The following ELMO1 variants were observed in gnomAD, a reference collection of about 807,000 sequenced individuals.
ELMO1 encodes engulfment and cell motility 1.
In ELMO1, 26 loss-of-function variants were observed where a neutral mutation model predicts 98.9. That is an observed-to-expected ratio of 0.26 (90% CI 0.19 to 0.36). ELMO1 has a LOEUF of 0.36. Among genes scored for constraint, ELMO1 ranks in the 10% least tolerant of loss-of-function variants. The pLI is 1.00. For synonymous variants in ELMO1, 346 were observed against 346.0 expected, an observed-to-expected ratio of 1.00 and a Z score of 0.00; for missense variants, 627 against 935.2, an observed-to-expected ratio of 0.67 and a Z score of 4.30.
chr7:37,125,550 T>C (rs111874671), intron 14 of ELMO1, among the ~76,000 whole-genome samples: 3 of 152,332 alleles, frequency 2.0e-5, no homozygotes, highest in African/African-American at 4.8e-5. Flanking sequence ...TCATCATCAC[T>C]GGCCATCAGA....
chr7:37,267,038 TACACACACACAC>T (rs60344761), intron 5 of ELMO1, among the ~76,000 whole-genome samples: 1,159 of 100,316 alleles, frequency 0.012, 52 homozygotes, highest in Non-Finnish European at 0.014. Context: ...TATGTATATA[TACACACACACAC>T]ACACACACAC....
chr7:37,027,756 C>T (rs572655661), intron 15 of ELMO1, among the ~76,000 whole-genome samples: 3 of 152,004 alleles, frequency 2.0e-5, no homozygotes, highest in South Asian at 2.1e-4. Context: ...GAACACAACC[C>T]CAGACCCCAA....
chr7:37,412,114 A>T (rs1410327216), intron 1 of ELMO1, among the ~76,000 whole-genome samples: 1 of 152,246 alleles, frequency 6.6e-6, no homozygotes, highest in East Asian at 1.9e-4. Flanking sequence ...ATCATCATTC[A>T]AACTATGTGT....
At chr7:37,366,408 G>A (rs1801905377) in intron 1 of ELMO1, among the ~76,000 whole-genome samples, 1 of 152,114 alleles carries the variant, frequency 6.6e-6, no homozygotes, top group Admixed American at 6.5e-5. Context: ...GTCTCTGTGA[G>A]GAAGGTCAGC....
chr7:37,417,808 C>T (rs769273717), intron 1 of ELMO1, among the ~76,000 whole-genome samples: 5 of 152,200 alleles, frequency 3.3e-5, no homozygotes, highest in African/African-American at 9.7e-5. Flanking sequence ...CACCATTGCA[C>T]TCCAGCCTGG....
At chr7:37,211,343 G>A (rs1563079644) in intron 13 of ELMO1, 43 bp downstream of exon 13, 1 of 1,613,182 alleles carries the variant, frequency 6.2e-7, no homozygotes, top group African/African-American at 1.3e-5. Context: ...GTCAGGCCCG[G>A]GGAGGCTGGA....
intron 1 of ELMO1, among the ~76,000 whole-genome samples, chr7:37,429,085 A>C (rs533046705): frequency 6.6e-6 from 1 of 152,314 alleles, no homozygotes; most frequent in Admixed American, 6.5e-5. Context: ...GGGAGGAGGT[A>C]TGGAGAGGAA....
intron 14 of ELMO1, among the ~76,000 whole-genome samples, chr7:37,120,022 AC>A (rs1398921776): frequency 6.6e-6 from 1 of 152,252 alleles, no homozygotes; most frequent in Admixed American, 6.5e-5. Flanking sequence ...TAAGGAACAA[AC>A]AGTTTCCAAG....
At chr7:37,393,614 G>A (rs1313348802) in intron 1 of ELMO1, among the ~76,000 whole-genome samples, 3 of 152,120 alleles carry the variant, frequency 2.0e-5, no homozygotes, top group Non-Finnish European at 4.4e-5. Context: ...CTCAATTTGG[G>A]TTTGTCTGGT....
Position 37,051,190 on chromosome 7 carries a change from G to A in ELMO1, c.1301-37755C>T, listed in dbSNP as rs145106471. On this transcript the variant is annotated intron_variant, in intron 15 of 21. Coordinates refer to ENST00000310758, the MANE Select transcript of ELMO1 (RefSeq NM_014800.11). ...ACTGCAGTGCTAGAAGAAATGAGAA[G>A]TGATAAAAAATGAACCGTGTCTACT... 4.9e-3 allele frequency among the ~76,000 whole-genome samples: 750 copies of A among 152,304 alleles called. 5 individuals carry two copies. Among genetic ancestry groups the A allele is most frequent in the Non-Finnish European group, 7.5e-3 (511 of 68,018 alleles).
At chr7:36,976,664 T>G (rs573424111) in intron 16 of ELMO1, among the ~76,000 whole-genome samples, 13 of 152,290 alleles carry the variant, frequency 8.5e-5, no homozygotes, top group African/African-American at 2.9e-4. Flanking sequence ...TAGTAAGACC[T>G]GATGGAGGTG....
intron 13 of ELMO1, among the ~76,000 whole-genome samples, chr7:37,136,756 A>T (rs943491086): frequency 2.3e-4 from 35 of 152,280 alleles, no homozygotes; most frequent in African/African-American, 8.2e-4. Flanking sequence ...CTCAAAAAAA[A>T]AAAGAAAAAA....
chr7:37,134,038 A>T (rs1787102076), intron 13 of ELMO1, among the ~76,000 whole-genome samples: 1 of 152,218 alleles, frequency 6.6e-6, no homozygotes, highest in African/African-American at 2.4e-5. Context: ...AGTAATCATC[A>T]GAGAAATGCA....
chr7:37,101,029 C>T (rs1784609705), intron 14 of ELMO1, among the ~76,000 whole-genome samples: 1 of 152,220 alleles, frequency 6.6e-6, no homozygotes, highest in Non-Finnish European at 1.5e-5. Flanking sequence ...CTTTATTGTG[C>T]TCTCTCTTCC....
At chr7:37,166,234 T>C (rs1204958280) in intron 13 of ELMO1, among the ~76,000 whole-genome samples, 2 of 152,208 alleles carry the variant, frequency 1.3e-5, no homozygotes, top group Non-Finnish European at 2.9e-5. Context: ...TCTCTTTTTT[T>C]CTTTATTAGT....
At chr7:37,117,057 C>T (rs758297704) in intron 14 of ELMO1, 25 of 205,050 alleles carry the variant, frequency 1.2e-4, no homozygotes, top group Non-Finnish European at 2.3e-4. Context: ...AGCCCTGGAC[C>T]TGGAGATCAC....
At chr7:37,367,829 A>G (rs1369470683) in intron 1 of ELMO1, among the ~76,000 whole-genome samples, 1 of 152,210 alleles carries the variant, frequency 6.6e-6, no homozygotes, top group Non-Finnish European at 1.5e-5. Flanking sequence ...ATATAAAGCA[A>G]TCAGAAAATA....
chr7:37,417,201 G>A (rs11972713), intron 1 of ELMO1, among the ~76,000 whole-genome samples: 3,740 of 152,234 alleles, frequency 0.025, 161 homozygotes, highest in African/African-American at 0.085. Context: ...ATGGAAAGGC[G>A]TCCCCTGAGA....
chr7:36,918,800 C>T (rs376503577), intron 16 of ELMO1, among the ~76,000 whole-genome samples: 2 of 152,190 alleles, frequency 1.3e-5, no homozygotes, highest in East Asian at 3.8e-4. Flanking sequence ...TATGGTACCC[C>T]ATCTGCTCTT....
Sources: allele counts gnomAD v4.1 joint callset (sites outside exome capture counted in the v4.1 genomes callset), GRCh38; gene constraint gnomAD v4.1.1; transcripts MANE v1.5; gene names NCBI Gene and HGNC (gene_info 2026-07-23, HGNC 2026-07-21).